Variants in UNC5D observed in about 807,000 individuals in gnomAD.
The protein encoded by UNC5D is unc-5 netrin receptor D, also known as netrin receptor UNC5D.
Under a neutral mutation model 105.4 loss-of-function variants are expected in UNC5D, and 39 were observed. That is an observed-to-expected ratio of 0.37 (90% CI 0.29 to 0.48). The LOEUF is 0.48. UNC5D is among the 20% of genes least tolerant of loss of function. The probability of loss-of-function intolerance (pLI) is 0.98; values close to 1 mark genes in which losing one functional copy is unlikely to be tolerated. For synonymous variants in UNC5D, 452 were observed against 450.4 expected, an observed-to-expected ratio of 1.00 and a Z score of -0.04; for missense variants, 991 against 1,202.4, an observed-to-expected ratio of 0.82 and a Z score of 2.60.
At chr8:35,486,081 T>G (rs1252839025) in intron 1 of UNC5D, among the ~76,000 whole-genome samples, 1 of 152,212 alleles carries the variant, frequency 6.6e-6, no homozygotes, top group Non-Finnish European at 1.5e-5. Context: ...GGATTATTAT[T>G]CTGCTTTGAT....
chr8:35,515,266 T>C (rs1345994200), intron 1 of UNC5D, among the ~76,000 whole-genome samples: 2 of 152,244 alleles, frequency 1.3e-5, no homozygotes, highest in African/African-American at 2.4e-5. Context: ...ACAGCATTAG[T>C]GCATGGGTAT....
rs180834433 is a variant in UNC5D at position 35,660,323 on chromosome 8, C to T, written c.571-23224C>T. Among the ~76,000 whole-genome samples the T allele has an allele frequency of 2.4e-3, 366 of 152,286 alleles. 1 individual carries two copies. Among genetic ancestry groups the T allele is most frequent in the African/African-American group, 8.3e-3 (345 of 41,546 alleles). ...GTAAACTGGGTGAATGTGGTTTTCT[C>T]TTAGTAGCTTCTTCCACTTGCTGTT... On this transcript the variant is annotated intron_variant, in intron 4 of 16. Coordinates refer to ENST00000404895, the MANE Select transcript of UNC5D (RefSeq NM_080872.4).
intron 8 of UNC5D, among the ~76,000 whole-genome samples, chr8:35,710,605 C>G (rs1294581358): frequency 6.6e-6 from 1 of 152,044 alleles, no homozygotes; most frequent in Non-Finnish European, 1.5e-5. Flanking sequence ...TGGATGAGAT[C>G]ACTAGATAAT....
intron 3 of UNC5D, among the ~76,000 whole-genome samples, chr8:35,571,692 C>T (rs1817733865): frequency 6.6e-6 from 1 of 152,200 alleles, no homozygotes; most frequent in Admixed American, 6.5e-5. Context: ...CACTTTCCTG[C>T]AAGTGACACA....
intron 4 of UNC5D, among the ~76,000 whole-genome samples, chr8:35,606,302 T>C (rs1044465024): frequency 3.3e-5 from 5 of 152,124 alleles, no homozygotes; most frequent in Non-Finnish European, 7.4e-5. Context: ...CCTTTTTTTG[T>C]AATTACAACT....
chr8:35,635,114 A>G (rs1268034754), intron 4 of UNC5D, among the ~76,000 whole-genome samples: 1 of 152,106 alleles, frequency 6.6e-6, no homozygotes, highest in Non-Finnish European at 1.5e-5. Context: ...TTCTTGGAAG[A>G]GTGCACTATT....
At chr8:35,477,620 T>G (rs1810199969) in intron 1 of UNC5D, among the ~76,000 whole-genome samples, 1 of 152,052 alleles carries the variant, frequency 6.6e-6, no homozygotes, top group Non-Finnish European at 1.5e-5. Context: ...GTGTGGCTAC[T>G]AAGTAACATG....
intron 10 of UNC5D, among the ~76,000 whole-genome samples, chr8:35,730,653 T>A (rs1188582912): frequency 6.6e-6 from 1 of 152,160 alleles, no homozygotes; most frequent in East Asian, 1.9e-4. Flanking sequence ...TACATTTTTT[T>A]AAATTTTGGA....
At chr8:35,734,671 A>C (rs558460283) in intron 11 of UNC5D, among the ~76,000 whole-genome samples, 16 of 152,198 alleles carry the variant, frequency 1.1e-4, no homozygotes, top group African/African-American at 3.9e-4. Flanking sequence ...CGGCATCCCC[A>C]AGTGCTGGGA....
chr8:35,395,001 C>T (rs1804009719), intron 1 of UNC5D, among the ~76,000 whole-genome samples: 1 of 152,126 alleles, frequency 6.6e-6, no homozygotes, highest in African/African-American at 2.4e-5. Flanking sequence ...ATGGGAAGAC[C>T]TCAGGTTCCC....
intron 1 of UNC5D, among the ~76,000 whole-genome samples, chr8:35,502,662 G>A (rs749056874): frequency 1.3e-5 from 2 of 151,910 alleles, no homozygotes; most frequent in Non-Finnish European, 2.9e-5. Context: ...AGGTTCAAGC[G>A]ATTCCCCTGC....
At chr8:35,487,639 C>G (rs1400605940) in intron 1 of UNC5D, among the ~76,000 whole-genome samples, 1 of 151,744 alleles carries the variant, frequency 6.6e-6, no homozygotes, top group African/African-American at 2.4e-5. Context: ...CCTGCTCATA[C>G]AGATTTTAGT....
rs1828853009 is a variant in UNC5D at position 35,726,184 on chromosome 8, C to T, written c.1336C>T (p.Pro446Ser). Residue 446 changes from proline to serine, a missense_variant, in exon 10 of 17, where the codon CCA becomes TCA. This residue lies in a region of UNC5D where 944 missense variants were observed against 1,131.6 expected (regional missense o/e 0.83). Coordinates refer to ENST00000404895, the MANE Select transcript of UNC5D (RefSeq NM_080872.4). Reference sequence around the variant, plus strand: ...CCTGCTCCTGAATTCTGCCATGCAGCCAGATCTGACAGTGAGCCGGACATA... The same window carrying T: ...CCTGCTCCTGAATTCTGCCATGCAGTCAGATCTGACAGTGAGCCGGACATA... Reference protein sequence around the residue: ...NSLLLNSAMQPDLTVSRTYSG... With the variant: ...NSLLLNSAMQSDLTVSRTYSG... 1 of 1,613,136 alleles carries T rather than the reference C, an allele frequency of 6.2e-7. No homozygotes were observed. Among genetic ancestry groups the T allele is most frequent in the Admixed American group, 1.7e-5 (1 of 59,960 alleles).
chr8:35,542,768 A>G (rs1206432722), intron 1 of UNC5D, among the ~76,000 whole-genome samples: 1 of 152,246 alleles, frequency 6.6e-6, no homozygotes, highest in African/African-American at 2.4e-5. Context: ...GGTCCATATC[A>G]CTAGGACTCT....
chr8:35,304,481 G>C (rs1373574844), intron 1 of UNC5D, among the ~76,000 whole-genome samples: 2 of 152,076 alleles, frequency 1.3e-5, no homozygotes, highest in African/African-American at 2.4e-5. Flanking sequence ...CTTAATCTAT[G>C]TCAGACAAAG....
chr8:35,639,429 A>T (rs2131120639), intron 4 of UNC5D, among the ~76,000 whole-genome samples: 1 of 152,324 alleles, frequency 6.6e-6, no homozygotes, highest in Non-Finnish European at 1.5e-5. Context: ...ATCATAGCAT[A>T]TTGCTTTCAT....
chr8:35,269,628 T>A (rs1305451582), intron 1 of UNC5D, among the ~76,000 whole-genome samples: 4 of 152,144 alleles, frequency 2.6e-5, no homozygotes, highest in Admixed American at 2.0e-4. Context: ...TTAAAAAAAA[T>A]TTCTTCTGTT....
intron 1 of UNC5D, among the ~76,000 whole-genome samples, chr8:35,371,054 A>T (rs1802401050): frequency 6.6e-6 from 1 of 152,130 alleles, no homozygotes; most frequent in African/African-American, 2.4e-5. Flanking sequence ...ACCAAAAAAT[A>T]AAGCAAATAA....
At chr8:35,424,788 C>T (rs1351781144) in intron 1 of UNC5D, among the ~76,000 whole-genome samples, 2 of 152,208 alleles carry the variant, frequency 1.3e-5, no homozygotes, top group Non-Finnish European at 2.9e-5. Flanking sequence ...TTACCTTCTC[C>T]AATTCAAGCT....
Sources: gnomAD v4.1 joint callset for allele counts (sites outside exome capture counted in the v4.1 genomes callset) on GRCh38, gnomAD v4.1.1 for gene constraint, gnomAD v4.1.1 regional missense constraint, MANE v1.5 for transcripts, NCBI Gene and HGNC (gene_info 2026-07-23, HGNC 2026-07-21) for gene names.